The following LRP1B variants were observed in gnomAD, a reference collection of about 807,000 sequenced individuals.
LRP1B encodes the protein LDL receptor related protein 1B, also known as low-density lipoprotein receptor-related protein 1B.
Under a neutral mutation model 556.6 loss-of-function variants are expected in LRP1B, and 217 were observed. The ratio of observed to expected loss-of-function variants is 0.39; its 90% confidence interval spans 0.35 to 0.44. The LOEUF is 0.44. Among genes scored for constraint, LRP1B ranks in the 20% least tolerant of loss-of-function variants. LRP1B has a pLI of 1.00. For synonymous variants in LRP1B, 2,047 were observed against 1,865.8 expected, an observed-to-expected ratio of 1.10 and a Z score of -2.50; for missense variants, 5,053 against 5,620.8, an observed-to-expected ratio of 0.90 and a Z score of 3.23.
chr2:140,934,899 A>G (rs1447290905), intron 20 of LRP1B, among the ~76,000 whole-genome samples: 1 of 152,154 alleles, frequency 6.6e-6, no homozygotes, highest in East Asian at 1.9e-4. Flanking sequence ...AGGATGTTCA[A>G]ACACAACCAC....
intron 35 of LRP1B, among the ~76,000 whole-genome samples, chr2:140,753,022 C>G (rs1469728494): frequency 1.3e-5 from 2 of 152,138 alleles, no homozygotes; most frequent in African/African-American, 4.8e-5. Context: ...CTCCTCTATG[C>G]TCCATCTATT....
chr2:140,929,756 T>TCACACACACACACACACACACA lies in LRP1B; in HGVS notation c.3137-6631_3137-6610dup, dbSNP rs3063648. The stretch of plus-strand genomic sequence containing the variant: ...AAGTTTATACCACAGTCATATAGAC[T>TCACACACACACACACACACACA]CACACACACACACACACACACACAC... On this transcript the variant is annotated intron_variant, in intron 20 of 90. Transcript: ENST00000389484. Among the ~76,000 whole-genome samples, 3 of 139,236 alleles carry TCACACACACACACACACACACA rather than the reference T, an allele frequency of 2.2e-5. No individual in the cohort carries two copies. In the East Asian group the frequency reaches 6.5e-4, roughly 30 times the overall value. 91.3% of individuals were successfully genotyped at this position (139,236 alleles called of 152,430 possible). A position where few individuals can be genotyped will look rare whatever the true frequency, so the allele number is the denominator to read the frequency against.
intron 1 of LRP1B, among the ~76,000 whole-genome samples, chr2:141,850,583 G>A (rs201612729): frequency 2.1e-5 from 3 of 142,768 alleles, no homozygotes; most frequent in South Asian, 2.2e-4. Flanking sequence ...ATGTGTGTAT[G>A]TATATATATA....
At chr2:140,653,793 G>A (rs1471774068) in intron 41 of LRP1B, among the ~76,000 whole-genome samples, 2 of 151,976 alleles carry the variant, frequency 1.3e-5, no homozygotes, top group African/African-American at 4.8e-5. Context: ...GGGAGGCTGA[G>A]GCGGGTGGAT....
chr2:140,626,196 T>C (rs1459691591), intron 41 of LRP1B, among the ~76,000 whole-genome samples: 2 of 152,102 alleles, frequency 1.3e-5, no homozygotes, highest in Non-Finnish European at 2.9e-5. Flanking sequence ...AAAAGATCAG[T>C]GATTACCAGG....
chr2:140,516,008 A>G (rs533092988), intron 50 of LRP1B, among the ~76,000 whole-genome samples: 1 of 152,202 alleles, frequency 6.6e-6, no homozygotes, highest in East Asian at 1.9e-4. Flanking sequence ...AAATCCATAC[A>G]TTTTAGAAAC....
intron 3 of LRP1B, among the ~76,000 whole-genome samples, chr2:141,337,321 A>G (rs1307805539): frequency 6.6e-6 from 1 of 152,130 alleles, no homozygotes; most frequent in Non-Finnish European, 1.5e-5. Context: ...TTCATGTGCT[A>G]TTTAGCATTC....
intron 2 of LRP1B, among the ~76,000 whole-genome samples, chr2:141,506,478 T>C (rs991172204): frequency 2.0e-5 from 3 of 152,128 alleles, no homozygotes; most frequent in African/African-American, 7.2e-5. Flanking sequence ...CGTGCACTAG[T>C]GTAACATTCT....
intron 7 of LRP1B, among the ~76,000 whole-genome samples, chr2:141,144,837 T>C (rs949952313): frequency 3.3e-5 from 5 of 152,224 alleles, no homozygotes; most frequent in Non-Finnish European, 7.3e-5. Context: ...ATGTCAATTA[T>C]AATTACATCT....
At chr2:140,434,792 G>C (rs542917104) in intron 66 of LRP1B, among the ~76,000 whole-genome samples, 1 of 152,262 alleles carries the variant, frequency 6.6e-6, no homozygotes, top group African/African-American at 2.4e-5. Flanking sequence ...ATAACTACGT[G>C]TCTTTTGTTA....
At chr2:141,759,769 T>G (rs139893396) in intron 2 of LRP1B, among the ~76,000 whole-genome samples, 1 of 152,136 alleles carries the variant, frequency 6.6e-6, no homozygotes, top group African/African-American at 2.4e-5. Context: ...TTGAGAAAGA[T>G]GTTTAGATCT....
chr2:141,131,534 T>C (rs1292635186), intron 7 of LRP1B, among the ~76,000 whole-genome samples: 1 of 150,996 alleles, frequency 6.6e-6, no homozygotes, highest in Non-Finnish European at 1.5e-5. Context: ...TTTTTTCCAA[T>C]GGGAAGAAAA....
chr2:141,038,492 G>T (rs1159146697), intron 11 of LRP1B, among the ~76,000 whole-genome samples: 1 of 152,078 alleles, frequency 6.6e-6, no homozygotes, highest in East Asian at 1.9e-4. Flanking sequence ...TAAAAATAAA[G>T]TTATGCCTTA....
chr2:141,084,805 A>G (rs1419449923), intron 7 of LRP1B, among the ~76,000 whole-genome samples: 1 of 151,898 alleles, frequency 6.6e-6, no homozygotes, highest in Non-Finnish European at 1.5e-5. Context: ...GCCCATCACC[A>G]CGCCCGGCTA....
At chr2:141,333,563 A>G (rs1687737918) in intron 3 of LRP1B, among the ~76,000 whole-genome samples, 1 of 152,190 alleles carries the variant, frequency 6.6e-6, no homozygotes, top group Non-Finnish European at 1.5e-5. Flanking sequence ...ATAGTATACT[A>G]TTTTGTAGTT....
At chr2:142,090,301 G>T (rs7574284) in intron 1 of LRP1B, among the ~76,000 whole-genome samples, 12,362 of 152,040 alleles carry the variant, frequency 0.081, 543 homozygotes, top group Non-Finnish European at 0.092. Context: ...TTTATATGAG[G>T]ATCAGATACA....
intron 21 of LRP1B, among the ~76,000 whole-genome samples, chr2:140,914,210 G>A (rs1427054370): frequency 6.6e-6 from 1 of 152,048 alleles, no homozygotes; most frequent in Non-Finnish European, 1.5e-5. Context: ...ACTGTCAGAG[G>A]AAAACACAGT....
At position 141,101,060 on chromosome 2, in the gene LRP1B, C is replaced by T. The variant is rs150432770; in HGVS notation, c.1014-38787G>A. 9.3e-3 allele frequency among the ~76,000 whole-genome samples: 1,410 copies of T among 152,144 alleles called. 22 individuals carry two copies. Among genetic ancestry groups the T allele is most frequent in the South Asian group, 0.03 (143 of 4,816 alleles). The stretch of plus-strand genomic sequence containing the variant: ...CCGTGAGTGTCAAACCCCCATGAGA[C>T]GAAGCAATGATGTTATTCCTCTCTA... On this transcript the variant is annotated intron_variant, in intron 7 of 90. Coordinates refer to ENST00000389484, the MANE Select transcript of LRP1B (RefSeq NM_018557.3).
intron 3 of LRP1B, among the ~76,000 whole-genome samples, chr2:141,293,625 C>CTTT (rs376533625): frequency 7.3e-6 from 1 of 137,310 alleles, no homozygotes; most frequent in African/African-American, 2.7e-5. Flanking sequence ...TCACTACATT[C>CTTT]TTTTTTTTTT....
Sources: gnomAD v4.1 joint callset for allele counts (sites outside exome capture counted in the v4.1 genomes callset) on GRCh38, gnomAD v4.1.1 for gene constraint, MANE v1.5 for transcripts, NCBI Gene and HGNC (gene_info 2026-07-23, HGNC 2026-07-21) for gene names.